The following RIMKLA variants were observed in gnomAD, a reference collection of about 807,000 sequenced individuals.
RIMKLA encodes the protein ribosomal modification protein rimK like family member A, also known as N-acetylaspartylglutamate synthase A.
In RIMKLA, 14 loss-of-function variants were observed where a neutral mutation model predicts 32.7. That is an observed-to-expected ratio of 0.43 (90% CI 0.28 to 0.67). The LOEUF is 0.67. Ranked by LOEUF, RIMKLA falls within the 30% of genes least tolerant of loss-of-function variation. The pLI is 0.18. For missense variants in RIMKLA, 410 were observed against 519.0 expected (o/e 0.79, Z 2.04); for synonymous variants, 176 against 204.1 (o/e 0.86, Z 1.18).
chr1:42,405,601 A>G (rs531945612), intron 3 of RIMKLA, among the ~76,000 whole-genome samples: 6 of 152,232 alleles, frequency 3.9e-5, no homozygotes, highest in African/African-American at 1.2e-4. Context: ...TGCAATAGAA[A>G]TGAACTAGAC....
Position 42,417,571 on chromosome 1 carries a change from G to A in RIMKLA, c.*2597G>A, listed in dbSNP as rs753799687. On this transcript the variant is annotated 3_prime_UTR_variant, in exon 5 of 5. Transcript: ENST00000431473. ...AAATGCCTCCTTTGTTTACCTCTTT[G>A]AAGCTGAAGTAAGTGAGACTGGTGC... 1 of 152,192 alleles carries A rather than the reference G, an allele frequency of 6.6e-6. No homozygotes were observed. Among genetic ancestry groups the A allele is most frequent in the Non-Finnish European group, 1.5e-5 (1 of 68,038 alleles). 9.4% of individuals were successfully genotyped at this position (152,192 alleles called of 1,614,324 possible).
intron 1 of RIMKLA, among the ~76,000 whole-genome samples, chr1:42,392,702 C>T (rs1643010423): frequency 6.6e-6 from 1 of 152,156 alleles, no homozygotes; most frequent in Non-Finnish European, 1.5e-5. Context: ...CATAGTGGCT[C>T]ATACCCTGAG....
At position 42,415,223 on chromosome 1, in the gene RIMKLA, G is replaced by T. The variant is rs190497683; in HGVS notation, c.*249G>T. The T allele has an allele frequency of 6.6e-5, 28 of 426,300 alleles. No homozygotes were observed. The highest frequency in any genetic ancestry group is 2.9e-5 in the Non-Finnish European group (7 of 239,950). The allele number at this position is 426,300 out of a possible 1,614,324, so 26.4% of individuals were successfully genotyped here. A position where few individuals can be genotyped will look rare whatever the true frequency, so the allele number is the denominator to read the frequency against. On this transcript the variant is annotated 3_prime_UTR_variant, in exon 5 of 5. Transcript: ENST00000431473. ...TGAGACTGATGTCTGCTGTGAGCAC[G>T]TGGATATTACGGCTGACGCTAAGGC...
intron 3 of RIMKLA, among the ~76,000 whole-genome samples, chr1:42,405,805 A>G (rs909002241): frequency 1.1e-4 from 17 of 152,226 alleles, no homozygotes; most frequent in Admixed American, 2.0e-4. Flanking sequence ...CAATTCTGCC[A>G]TGAAGTCTTC....
In RIMKLA at chr1:42,415,421, A is replaced by G; in HGVS notation, c.*447A>G. The G allele has an allele frequency of 6.0e-6, 1 of 168,016 alleles. No homozygotes were observed. Among genetic ancestry groups the G allele is most frequent in the Admixed American group, 5.6e-5 (1 of 17,826 alleles). The allele number at this position is 168,016 out of a possible 1,614,324, so 10.4% of individuals were successfully genotyped here. On this transcript the variant is annotated 3_prime_UTR_variant, in exon 5 of 5. Coordinates refer to ENST00000431473, the MANE Select transcript of RIMKLA (RefSeq NM_173642.4). Reference sequence around the variant, plus strand: ...TGTGTGTGTGATGCTTGGAAAAGACACAGTTCAAACACTATTAGAGGATCG... The same window carrying G: ...TGTGTGTGTGATGCTTGGAAAAGACGCAGTTCAAACACTATTAGAGGATCG...
At chr1:42,384,189 T>C (rs1642914913) in intron 1 of RIMKLA, among the ~76,000 whole-genome samples, 1 of 152,050 alleles carries the variant, frequency 6.6e-6, no homozygotes, top group Non-Finnish European at 1.5e-5. Flanking sequence ...AGACAAGAGA[T>C]TACAAGTTTT....
Position 42,414,981 on chromosome 1 carries a change from G to A in RIMKLA, c.*7G>A. The A allele has an allele frequency of 6.3e-7, 1 of 1,593,446 alleles. No homozygotes were observed. On this transcript the variant is annotated 3_prime_UTR_variant, in exon 5 of 5. Transcript: ENST00000431473. ...TGAGTTAAAACTTAAGTGAATTCCTGCTTTTTGGCAGCATTTAAACCAAAT... is the reference window on the plus strand; with the variant it reads ...TGAGTTAAAACTTAAGTGAATTCCTACTTTTTGGCAGCATTTAAACCAAAT...
intron 2 of RIMKLA, among the ~76,000 whole-genome samples, 193 bp downstream of exon 2, chr1:42,399,827 A>T (rs1643081739): frequency 6.6e-6 from 1 of 152,228 alleles, no homozygotes; most frequent in African/African-American, 2.4e-5. Context: ...TTCATTAAAT[A>T]CATATCTGGT....
At position 42,381,050 on chromosome 1, in the gene RIMKLA, C is replaced by A; in HGVS notation, c.116C>A (p.Ala39Glu). The A allele has an allele frequency of 1.5e-6, 2 of 1,329,036 alleles. No individual in the cohort carries two copies. Among genetic ancestry groups the A allele is most frequent in the South Asian group, 1.9e-5 (1 of 51,832 alleles). The allele number at this position is 1,329,036 out of a possible 1,614,324, so 82.3% of individuals were successfully genotyped here. A position where few individuals can be genotyped will look rare whatever the true frequency, so the allele number is the denominator to read the frequency against. Reference protein sequence around the residue: ...RCSEQDVRFRAVLMDQIAVTI... With the variant: ...RCSEQDVRFREVLMDQIAVTI... ...TCCGAGCAGGACGTGCGCTTCCGGGCGGTGCTTATGGACCAGATCGCCGTC... is the reference window on the plus strand; with the variant it reads ...TCCGAGCAGGACGTGCGCTTCCGGGAGGTGCTTATGGACCAGATCGCCGTC... Residue 39 changes from alanine to glutamate, a missense_variant, in exon 1 of 5, where the codon GCG (alanine) becomes GAG (glutamate). Ala to Glu is a moderately radical substitution (Grantham distance 107). Transcript: ENST00000431473.
Position 42,422,190 on chromosome 1 carries a change from G to A in RIMKLA, c.*7216G>A, listed in dbSNP as rs1470377083. On this transcript the variant is annotated 3_prime_UTR_variant, in exon 5 of 5. Coordinates refer to ENST00000431473, the MANE Select transcript of RIMKLA (RefSeq NM_173642.4). ...TTTGTGTTGTATTTCTCAGAAGCAA[G>A]TGTCCTAGTGTAATGTGCACAAGTG... The A allele has an allele frequency of 1.3e-5, 2 of 152,258 alleles. No homozygotes were observed. The highest frequency in any genetic ancestry group is 4.8e-5 in the African/African-American group (2 of 41,468). The allele number at this position is 152,258 out of a possible 1,614,324, so 9.4% of individuals were successfully genotyped here. A position where few individuals can be genotyped will look rare whatever the true frequency, so the allele number is the denominator to read the frequency against.
intron 4 of RIMKLA, among the ~76,000 whole-genome samples, chr1:42,413,628 T>G (rs965770863): frequency 6.6e-6 from 1 of 152,030 alleles, no homozygotes; most frequent in East Asian, 1.9e-4. Flanking sequence ...TGGTGTCATA[T>G]TCTTTACAGT....
Position 42,419,636 on chromosome 1 carries a change from C to A in RIMKLA, c.*4662C>A, listed in dbSNP as rs1643278571. On this transcript the variant is annotated 3_prime_UTR_variant, in exon 5 of 5. Coordinates refer to ENST00000431473, the MANE Select transcript of RIMKLA (RefSeq NM_173642.4). ...TCCGCCTCCTCCCCTTCTGATGAGC[C>A]TCTGTTCTGGATCAACACGGTGTTG... 1 of 152,372 alleles carries A rather than the reference C, an allele frequency of 6.6e-6. No individual in the cohort carries two copies. Among genetic ancestry groups the A allele is most frequent in the African/African-American group, 2.4e-5 (1 of 41,442 alleles). 9.4% of individuals were successfully genotyped at this position (152,372 alleles called of 1,614,324 possible). A position where few individuals can be genotyped will look rare whatever the true frequency, so the allele number is the denominator to read the frequency against.
intron 1 of RIMKLA, among the ~76,000 whole-genome samples, chr1:42,388,186 G>A (rs1249865706): frequency 1.3e-5 from 2 of 152,134 alleles, no homozygotes; most frequent in African/African-American, 4.8e-5. Context: ...TACTCTGGAT[G>A]AGCTGGGAAT....
chr1:42,385,724 T>G (rs977869112), intron 1 of RIMKLA, among the ~76,000 whole-genome samples: 1 of 36,394 alleles, frequency 2.7e-5, no homozygotes, highest in Non-Finnish European at 5.2e-5. Context: ...CTTCTCTTTC[T>G]TTCTTTCTTT....
At chr1:42,392,321 CT>C (rs1360500250) in intron 1 of RIMKLA, among the ~76,000 whole-genome samples, 1 of 151,738 alleles carries the variant, frequency 6.6e-6, no homozygotes, top group Non-Finnish European at 1.5e-5. Flanking sequence ...CTCCCTCCCC[CT>C]GCTCAACAAG....
chr1:42,420,313 CGAGT>C lies in RIMKLA; in HGVS notation c.*5345_*5348del, dbSNP rs1050493131. ...CCATTTCCACATAGCAAAATTCAAGCGAGTGAGTGTGTGTGCCTGCGTGTGTCTC... is the reference window on the plus strand; with the variant it reads ...CCATTTCCACATAGCAAAATTCAAGCGAGTGTGTGTGCCTGCGTGTGTCTC... On this transcript the variant is annotated 3_prime_UTR_variant, in exon 5 of 5. Transcript: ENST00000431473. 3.3e-5 allele frequency: 5 copies of C among 152,198 alleles called. No individual in the cohort carries two copies. The highest frequency in any genetic ancestry group is 7.2e-5 in the African/African-American group (3 of 41,414). The allele number at this position is 152,198 out of a possible 1,614,324, so 9.4% of individuals were successfully genotyped here. A position where few individuals can be genotyped will look rare whatever the true frequency, so the allele number is the denominator to read the frequency against.
intron 1 of RIMKLA, among the ~76,000 whole-genome samples, chr1:42,388,122 G>A (rs926683161): frequency 1.3e-5 from 2 of 152,236 alleles, no homozygotes; most frequent in South Asian, 2.1e-4. Flanking sequence ...AGAGGGGAGT[G>A]GGGGAAGAAG....
intron 3 of RIMKLA, among the ~76,000 whole-genome samples, chr1:42,409,397 T>A (rs1254971864): frequency 6.6e-6 from 1 of 152,190 alleles, no homozygotes; most frequent in Non-Finnish European, 1.5e-5. Context: ...AGGAAGGATG[T>A]CTGTCAGTGC....
In RIMKLA at chr1:42,392,946, C is replaced by T. The variant is rs563620413; in HGVS notation, c.164-6458C>T. 7.9e-5 allele frequency among the ~76,000 whole-genome samples: 12 copies of T among 152,242 alleles called. No individual in the cohort carries two copies. In the South Asian group the frequency reaches 2.5e-3, roughly 32 times the overall value. ...GGCAGGGGTTGCAGTGAGCCGAGAT[C>T]GCGCCATTGCACTCCAGCCTGGATG... On this transcript the variant is annotated intron_variant, in intron 1 of 4. Coordinates refer to ENST00000431473, the MANE Select transcript of RIMKLA (RefSeq NM_173642.4).
Sources: gnomAD v4.1 joint callset for allele counts (sites outside exome capture counted in the v4.1 genomes callset) on GRCh38, gnomAD v4.1.1 for gene constraint, MANE v1.5 for transcripts, NCBI Gene and HGNC (gene_info 2026-07-23, HGNC 2026-07-21) for gene names.